The following GHRHR variants were observed in gnomAD, a reference collection of about 807,000 sequenced individuals.
The protein encoded by GHRHR is growth hormone releasing hormone receptor.
In GHRHR, 40 loss-of-function variants were observed where a neutral mutation model predicts 58.3. The observed-to-expected ratio is 0.69, with a 90% CI of 0.53 to 0.89. GHRHR has a LOEUF of 0.89. Ranked by LOEUF, GHRHR falls within the 40% of genes least tolerant of loss-of-function variation. The pLI is 0.00. For synonymous variants in GHRHR, 249 were observed against 216.6 expected (o/e 1.15, Z -1.31); for missense variants, 551 against 541.3 (o/e 1.02, Z -0.18).
At position 30,976,563 on chromosome 7, in the gene GHRHR, G is replaced by T; in HGVS notation, c.1104+5G>T. Reference sequence around the variant, plus strand: ...CTGGGACTGGGTTCCTTCCAGGTGAGGGCCCCCACAGGCACTCTTTCTTTC... The same window carrying T: ...CTGGGACTGGGTTCCTTCCAGGTGATGGCCCCCACAGGCACTCTTTCTTTC... On this transcript the variant is annotated splice_donor_5th_base_variant and intron_variant, in intron 11 of 12. Transcript: ENST00000326139. The T allele has an allele frequency of 6.2e-7, 1 of 1,612,468 alleles. No individual in the cohort carries two copies. The highest frequency in any genetic ancestry group is 8.5e-7 in the Non-Finnish European group (1 of 1,179,156).
chr7:30,964,129 A>G lies in GHRHR; in HGVS notation c.57+4A>G, dbSNP rs1036593262. On this transcript the variant is annotated splice_donor_region_variant and intron_variant, in intron 1 of 12. Coordinates refer to ENST00000326139, the MANE Select transcript of GHRHR (RefSeq NM_000823.4). ...CGTGTTGAGCCCGTTACCGACCGTGAGTAGCCAGCTGAGACCCTCTGGCCT... is the reference window on the plus strand; with the variant it reads ...CGTGTTGAGCCCGTTACCGACCGTGGGTAGCCAGCTGAGACCCTCTGGCCT... 6.5e-7 allele frequency: 1 copy of G among 1,547,868 alleles called. No homozygotes were observed. The highest frequency in any genetic ancestry group is 2.0e-5 in the Admixed American group (1 of 51,014).
At chr7:30,969,510 G>T (rs1792436643) in intron 3 of GHRHR, 2 of 598,556 alleles carry the variant, frequency 3.3e-6, no homozygotes, top group Admixed American at 3.0e-5. Context: ...GATGGAGAGG[G>T]TGGGGCACTC....
At chr7:30,974,243 G>A in intron 7 of GHRHR, 105 bp downstream of exon 7, 2 of 1,307,322 alleles carry the variant, frequency 1.5e-6, no homozygotes, top group South Asian at 2.4e-5. Context: ...CCCAGAGAAG[G>A]AGAGGGACAG....
intron 7 of GHRHR, 106 bp from the exon 8 acceptor site, chr7:30,974,323 C>T (rs1792534715): frequency 1.8e-6 from 2 of 1,111,312 alleles, no homozygotes; most frequent in East Asian, 2.3e-5. Context: ...CCTGGCCCTG[C>T]CTTTGCAGTG....
At chr7:30,973,550 G>A (rs149834562) in intron 6 of GHRHR, among the ~76,000 whole-genome samples, 557 of 152,230 alleles carry the variant, frequency 3.7e-3, no homozygotes, top group Non-Finnish European at 6.4e-3. Flanking sequence ...GTGAATGCAC[G>A]GGTGCCTGTG....
In GHRHR at chr7:30,969,925, T is replaced by G. The variant is rs749688300; in HGVS notation, c.327T>G (p.Pro109=). ...TGWSEPFPPY[P]VACPVPLELL... is the part of the protein sequence containing the mutation. The stretch of plus-strand genomic sequence containing the variant: ...GGTCTGAGCCCTTTCCACCTTACCC[T>G]GTGGCCTGCCCTGTGCCTCTGGAGC... Residue 109 remains proline (P), a synonymous_variant, in exon 4 of 13, where the codon CCT becomes CCG. Transcript: ENST00000326139. The G allele has an allele frequency of 1.9e-6, 3 of 1,542,604 alleles. No homozygotes were observed. Among genetic ancestry groups the G allele is most frequent in the Admixed American group, 1.7e-5 (1 of 59,912 alleles).
chr7:30,974,047 G>A lies in GHRHR; in HGVS notation c.660G>A (p.Leu220=), dbSNP rs145466944. 1,039 of 1,614,082 alleles carry A rather than the reference G, an allele frequency of 6.4e-4. 5 individuals carry two copies. The East Asian group carries it at 0.014, about 23-fold the overall frequency. Residue 220 remains leucine, a synonymous_variant, in exon 7 of 13, where the codon CTG becomes CTA. Transcript: ENST00000326139. ...HFATMTNFSW[L]LAEAVYLNCL... ...CCACCATGACCAACTTCAGCTGGCTGTTGGCAGAAGCCGTCTACCTGAACT... is the reference window on the plus strand; with the variant it reads ...CCACCATGACCAACTTCAGCTGGCTATTGGCAGAAGCCGTCTACCTGAACT...
intron 12 of GHRHR, among the ~76,000 whole-genome samples, chr7:30,978,912 T>C (rs1252750645): frequency 6.6e-6 from 1 of 152,186 alleles, no homozygotes; most frequent in Non-Finnish European, 1.5e-5. Flanking sequence ...AGAAAGGAGC[T>C]AAAAGAATGG....
intron 3 of GHRHR, 62 bp from the exon 4 acceptor site, chr7:30,969,805 C>A: frequency 1.3e-6 from 2 of 1,564,846 alleles, no homozygotes; most frequent in Non-Finnish European, 1.8e-6. Context: ...TCCCTGGCAC[C>A]CCCAGCCCCC....
intron 12 of GHRHR, among the ~76,000 whole-genome samples, chr7:30,978,661 A>C (rs1056336919): frequency 2.6e-5 from 4 of 151,684 alleles, no homozygotes; most frequent in Admixed American, 6.6e-5. Context: ...CTTTTCTTTT[A>C]CTTACTTTCA....
At chr7:30,969,715 T>C (rs1792440416) in intron 3 of GHRHR, 152 bp from the exon 4 acceptor site, 3 of 774,798 alleles carry the variant, frequency 3.9e-6, no homozygotes, top group East Asian at 2.5e-5. Context: ...AGGCTAGACC[T>C]GGGCCCCAGG....
intron 1 of GHRHR, 146 bp downstream of exon 1, chr7:30,964,271 G>A: frequency 2.6e-6 from 2 of 763,272 alleles, no homozygotes; most frequent in South Asian, 2.9e-5. Context: ...GCTGTGGCTT[G>A]GAGAGCCCCT....
intron 6 of GHRHR, 66 bp downstream of exon 6, chr7:30,972,161 TG>T: frequency 6.4e-7 from 1 of 1,571,264 alleles, no homozygotes; most frequent in Non-Finnish European, 8.7e-7. Flanking sequence ...CAGACCCAGA[TG>T]TGCCTGCGTC....
intron 9 of GHRHR, 107 bp downstream of exon 9, chr7:30,975,147 A>T: frequency 2.5e-6 from 2 of 815,096 alleles, no homozygotes; most frequent in Non-Finnish European, 4.4e-6. Flanking sequence ...TGTCTTGAAA[A>T]CTGGGCTCCA....
At chr7:30,965,690 C>G (rs1792333400) in intron 1 of GHRHR, among the ~76,000 whole-genome samples, 3 of 152,204 alleles carry the variant, frequency 2.0e-5, no homozygotes, top group African/African-American at 7.2e-5. Context: ...AGTTGCTTCC[C>G]CAAATTGGCC....
At chr7:30,972,269 C>T (rs866228584) in intron 6 of GHRHR, 174 bp downstream of exon 6, 21 of 661,346 alleles carry the variant, frequency 3.2e-5, no homozygotes, top group Middle Eastern at 3.9e-4. Context: ...TAAGTCCTCA[C>T]GCCTTTCCTG....
chr7:30,979,385 C>G lies in GHRHR; in HGVS notation c.*141C>G. 1.3e-6 allele frequency: 1 copy of G among 768,054 alleles called. No individual in the cohort carries two copies. Among genetic ancestry groups the G allele is most frequent in the East Asian group, 2.8e-5 (1 of 35,898 alleles). The allele number at this position is 768,054 out of a possible 1,614,324, so 47.6% of individuals were successfully genotyped here. A position where few individuals can be genotyped will look rare whatever the true frequency, so the allele number is the denominator to read the frequency against. On this transcript the variant is annotated 3_prime_UTR_variant, in exon 13 of 13. Coordinates refer to ENST00000326139, the MANE Select transcript of GHRHR (RefSeq NM_000823.4). ...GGCAGGTGCAGCCCTTCCTCCCTGT[C>G]TCTGCATCTGACTCTCTTTTGAGGT...
intron 1 of GHRHR, among the ~76,000 whole-genome samples, chr7:30,968,395 C>G (rs1792399007): frequency 6.6e-6 from 1 of 152,012 alleles, no homozygotes; most frequent in Non-Finnish European, 1.5e-5. Flanking sequence ...AGCATATTGT[C>G]TAATGTGTCT....
chr7:30,973,097 T>C (rs1043637751), intron 6 of GHRHR, among the ~76,000 whole-genome samples: 2 of 152,252 alleles, frequency 1.3e-5, no homozygotes, highest in East Asian at 3.8e-4. Context: ...ACGTGTTATA[T>C]ACTGTATTCT....
Sources: gnomAD v4.1 joint callset for allele counts (sites outside exome capture counted in the v4.1 genomes callset) on GRCh38, gnomAD v4.1.1 for gene constraint, MANE v1.5 for transcripts, NCBI Gene and HGNC (gene_info 2026-07-23, HGNC 2026-07-21) for gene names.